The following BAIAP2 variants were observed in gnomAD, a reference collection of about 807,000 sequenced individuals.
The protein encoded by BAIAP2 is BAR/IMD domain containing adaptor protein 2.
BAIAP2 carries 18 observed loss-of-function variants against 63.0 expected under a neutral mutation model. The ratio of observed to expected loss-of-function variants is 0.29; its 90% CI spans 0.20 to 0.42. BAIAP2 has a LOEUF of 0.42. Ranked by LOEUF, BAIAP2 falls within the 10% of genes least tolerant of loss-of-function variation. BAIAP2 has a pLI of 1.00. For synonymous variants in BAIAP2, 386 were observed against 307.6 expected (o/e 1.25, Z -2.67); for missense variants, 610 against 734.3 (o/e 0.83, Z 1.96).
chr17:81,065,764 T>A (rs1485140301), intron 3 of BAIAP2, among the ~76,000 whole-genome samples: 1 of 152,224 alleles, frequency 6.6e-6, no homozygotes, highest in Non-Finnish European at 1.5e-5. Flanking sequence ...CCTGGGGTCC[T>A]GGTACAACGT....
chr17:81,109,302 CTG>C, intron 13 of BAIAP2: 1 of 1,167,676 alleles, frequency 8.6e-7, no homozygotes, highest in Non-Finnish European at 1.1e-6. Context: ...CCTGCAGTGT[CTG>C]TGGCACTCAC....
At chr17:81,075,858 C>T (rs1194160692) in intron 3 of BAIAP2, among the ~76,000 whole-genome samples, 2 of 152,212 alleles carry the variant, frequency 1.3e-5, no homozygotes, top group African/African-American at 4.8e-5. Context: ...CCATATGAGG[C>T]CAGCTGGGCA....
At chr17:81,110,916 C>T (rs773046187) in intron 13 of BAIAP2, 3 of 1,613,902 alleles carry the variant, frequency 1.9e-6, no homozygotes, top group Non-Finnish European at 2.5e-6. Context: ...CCTTGCAGCG[C>T]CGATGTGGAA....
Position 81,106,821 on chromosome 17 carries a change from G to T in BAIAP2, c.1414G>T (p.Gly472Cys), listed in dbSNP as rs763454584. The T allele has an allele frequency of 1.9e-6, 3 of 1,612,132 alleles. No individual in the cohort carries two copies. The highest frequency in any genetic ancestry group is 1.1e-5 in the South Asian group (1 of 91,042). ...DDLAIPPPDYGAASRAFPAQT... is the reference protein window; with the variant it reads ...DDLAIPPPDYCAASRAFPAQT... The stretch of plus-strand genomic sequence containing the variant: ...CCTGGCCATCCCACCCCCCGATTAC[G>T]GCGCCGCCTCCCGGGCCTTCCCCGC... The change falls in exon 12 of 14, where the codon GGC (glycine) becomes TGC (cysteine). Residue 472 changes from glycine (G) to cysteine (C), a missense_variant. Physicochemically the swap from Gly to Cys is radical, Grantham distance 159. Coordinates refer to ENST00000428708, the MANE Select transcript of BAIAP2 (RefSeq NM_001144888.2).
chr17:81,044,118 C>T (rs2047462506), intron 1 of BAIAP2, among the ~76,000 whole-genome samples: 1 of 152,214 alleles, frequency 6.6e-6, no homozygotes, highest in Non-Finnish European at 1.5e-5. Context: ...TGGCACCTCC[C>T]ACCTGCCTGA....
At chr17:81,043,355 G>A (rs1446406224) in intron 1 of BAIAP2, among the ~76,000 whole-genome samples, 1 of 152,236 alleles carries the variant, frequency 6.6e-6, no homozygotes, top group Non-Finnish European at 1.5e-5. Flanking sequence ...CGCAGTCCAG[G>A]CATGGATGGA....
At chr17:81,062,080 T>TTA (rs2050653832) in intron 3 of BAIAP2, among the ~76,000 whole-genome samples, 1 of 152,066 alleles carries the variant, frequency 6.6e-6, no homozygotes, top group Non-Finnish European at 1.5e-5. Flanking sequence ...GTAGCTGGCA[T>TTA]TATAGGCACC....
intron 1 of BAIAP2, among the ~76,000 whole-genome samples, chr17:81,039,398 T>A (rs2046779640): frequency 6.6e-6 from 1 of 152,198 alleles, no homozygotes; most frequent in African/African-American, 2.4e-5. Flanking sequence ...TCGCTTGGTG[T>A]CCCATGCCTG....
chr17:81,073,748 G>T (rs1466781128), intron 3 of BAIAP2, among the ~76,000 whole-genome samples: 1 of 152,120 alleles, frequency 6.6e-6, no homozygotes, highest in African/African-American at 2.4e-5. Flanking sequence ...GTATTTTCTG[G>T]AGTAAAAAAA....
At chr17:81,098,640 G>T (rs1302637303) in intron 6 of BAIAP2, among the ~76,000 whole-genome samples, 1 of 152,180 alleles carries the variant, frequency 6.6e-6, no homozygotes, top group Non-Finnish European at 1.5e-5. Flanking sequence ...AGCTCTGTCA[G>T]GTTGAGACTC....
intron 13 of BAIAP2, among the ~76,000 whole-genome samples, chr17:81,113,996 A>C (rs781367607): frequency 5.7e-4 from 63 of 109,848 alleles, no homozygotes; most frequent in Non-Finnish European, 8.0e-4. Flanking sequence ...ACAGGGTCTT[A>C]CTCTGTCACC....
At chr17:81,050,601 C>T (rs1383644150) in intron 1 of BAIAP2, among the ~76,000 whole-genome samples, 1 of 152,126 alleles carries the variant, frequency 6.6e-6, no homozygotes, top group Non-Finnish European at 1.5e-5. Flanking sequence ...GAGCCAAGCG[C>T]GTGGGGCTCT....
intron 3 of BAIAP2, among the ~76,000 whole-genome samples, chr17:81,071,099 A>ATT (rs56122709): frequency 0.31 from 46,347 of 149,114 alleles, 7,567 homozygotes; most frequent in Non-Finnish European, 0.35. Flanking sequence ...ACAGACATTG[A>ATT]TTTTTTTTTT....
intron 1 of BAIAP2, among the ~76,000 whole-genome samples, chr17:81,047,687 C>T (rs1454323580): frequency 6.6e-6 from 1 of 150,432 alleles, no homozygotes; most frequent in Non-Finnish European, 1.5e-5. Flanking sequence ...CATCTCATGC[C>T]CACAGCACAC....
intron 6 of BAIAP2, chr17:81,098,194 A>G (rs2057960297): frequency 1.4e-6 from 2 of 1,429,100 alleles, no homozygotes; most frequent in Middle Eastern, 1.8e-4. Context: ...CCTGTTGGTC[A>G]GGTGAGTCAT....
At chr17:81,048,316 C>T (rs1016634282) in intron 1 of BAIAP2, among the ~76,000 whole-genome samples, 1 of 143,288 alleles carries the variant, frequency 7.0e-6, no homozygotes, top group Admixed American at 7.3e-5. Flanking sequence ...GAGAATGCAC[C>T]ACTGCACTCC....
intron 6 of BAIAP2, among the ~76,000 whole-genome samples, chr17:81,095,414 G>A (rs764507218): frequency 5.9e-5 from 9 of 152,102 alleles, no homozygotes; most frequent in Non-Finnish European, 8.8e-5. Context: ...CCCCGTCCCC[G>A]CACCGGCCCC....
chr17:81,046,079 TACTC>T lies in BAIAP2; in HGVS notation c.55-7586_55-7583del, dbSNP rs1361279652. Reference sequence around the variant, plus strand: ...CCCTCGGCTGTGGGGACCCTATTAATACTCACAGGGAGGCAGAGCTGCCGGCTCC... The same window carrying T: ...CCCTCGGCTGTGGGGACCCTATTAATACAGGGAGGCAGAGCTGCCGGCTCC... On this transcript the variant is annotated intron_variant, in intron 1 of 13. Transcript: ENST00000428708. This position sits in a 1 kb window ranked among gnomAD's most constrained non-coding sequence, Gnocchi z 4.5. 2.0e-5 allele frequency among the ~76,000 whole-genome samples: 3 copies of T among 152,028 alleles called. No individual in the cohort carries two copies. Among genetic ancestry groups the T allele is most frequent in the Non-Finnish European group, 2.9e-5 (2 of 67,980 alleles).
chr17:81,104,460 T>A, intron 9 of BAIAP2, 54 bp from the exon 10 acceptor site: 1 of 1,527,972 alleles, frequency 6.5e-7, no homozygotes, highest in Non-Finnish European at 8.8e-7. Context: ...CTCCCTGGGC[T>A]TTGCTGCCCC....
Sources: gnomAD v4.1 joint callset for allele counts (sites outside exome capture counted in the v4.1 genomes callset) on GRCh38, gnomAD v4.1.1 for gene constraint, Gnocchi (gnomAD v3.1) non-coding constraint, MANE v1.5 for transcripts, NCBI Gene and HGNC (gene_info 2026-07-23, HGNC 2026-07-21) for gene names.